CSMD1: variants seen among roughly 807,000 people sequenced by gnomAD.
The protein encoded by CSMD1 is CUB and sushi domain-containing protein 1.
A neutral mutation model predicts 417.5 loss-of-function variants in CSMD1; 213 were observed. That is an observed-to-expected ratio of 0.51 (90% CI 0.46 to 0.57). The LOEUF (loss-of-function observed/expected upper bound fraction) is 0.57, where lower values mean the gene tolerates loss of function less well. Ranked by LOEUF, CSMD1 falls within the 20% of genes least tolerant of loss-of-function variation. The pLI is 0.00. For synonymous variants in CSMD1, 2,862 were observed against 1,736.8 expected (o/e 1.65, Z -16.11); for missense variants, 6,923 against 4,529.7 (o/e 1.53, Z -15.17).
At chr8:4,831,422 A>T (rs182866525) in intron 1 of CSMD1, among the ~76,000 whole-genome samples, 1 of 152,198 alleles carries the variant, frequency 6.6e-6, no homozygotes, top group Non-Finnish European at 1.5e-5. Flanking sequence ...AATAACTACA[A>T]ATATCCATAT....
chr8:3,299,884 T>C (rs1804258098), intron 25 of CSMD1, among the ~76,000 whole-genome samples: 1 of 152,224 alleles, frequency 6.6e-6, no homozygotes, highest in African/African-American at 2.4e-5. Context: ...CCAATTTCTA[T>C]GTACTGCTGG....
intron 2 of CSMD1, among the ~76,000 whole-genome samples, chr8:4,471,744 G>GT (rs35954967): frequency 0.46 from 69,767 of 151,876 alleles, 18,035 homozygotes; most frequent in Non-Finnish European, 0.56. Context: ...GAGAAAAGAA[G>GT]TTAGACCCAT....
At chr8:3,546,221 A>AT (rs1207608431) in intron 10 of CSMD1, among the ~76,000 whole-genome samples, 1 of 152,166 alleles carries the variant, frequency 6.6e-6, no homozygotes, top group African/African-American at 2.4e-5. Flanking sequence ...GTAAGGTTCT[A>AT]TGCAGATAGT....
chr8:4,503,436 G>A (rs569064881), intron 2 of CSMD1, among the ~76,000 whole-genome samples: 11 of 152,000 alleles, frequency 7.2e-5, no homozygotes, highest in East Asian at 3.9e-4. Flanking sequence ...ATTTATATTC[G>A]CAATATGTTT....
At chr8:3,642,601 C>G (rs1456668971) in intron 7 of CSMD1, among the ~76,000 whole-genome samples, 1 of 152,060 alleles carries the variant, frequency 6.6e-6, no homozygotes, top group South Asian at 2.1e-4. Flanking sequence ...ACAAACCAAA[C>G]GAGAAAACCT....
At chr8:4,209,835 G>A (rs1242731965) in intron 3 of CSMD1, among the ~76,000 whole-genome samples, 1 of 152,174 alleles carries the variant, frequency 6.6e-6, no homozygotes, top group Non-Finnish European at 1.5e-5. Flanking sequence ...TCAATTACAT[G>A]CAAAATAAGG....
At chr8:4,445,175 C>A (rs979116146) in intron 2 of CSMD1, among the ~76,000 whole-genome samples, 2 of 152,046 alleles carry the variant, frequency 1.3e-5, no homozygotes, top group South Asian at 2.1e-4. Flanking sequence ...GAATCTGACA[C>A]CTTTTTTTTA....
chr8:4,402,570 G>C (rs149431638), intron 3 of CSMD1, among the ~76,000 whole-genome samples: 10 of 152,196 alleles, frequency 6.6e-5, no homozygotes, highest in African/African-American at 1.9e-4. Flanking sequence ...CTCTTGAAGG[G>C]AGACTTTTAT....
intron 4 of CSMD1, among the ~76,000 whole-genome samples, chr8:4,025,679 T>A (rs937300520): frequency 1.1e-4 from 16 of 152,124 alleles, no homozygotes; most frequent in Non-Finnish European, 2.4e-4. Context: ...GTTGAAAGAC[T>A]CAAGAATAAC....
intron 41 of CSMD1, among the ~76,000 whole-genome samples, chr8:3,119,410 A>C (rs1003876313): frequency 6.1e-5 from 8 of 131,950 alleles, no homozygotes; most frequent in African/African-American, 2.7e-4. Context: ...AAAAAAAAAA[A>C]AACACTGTAT....
intron 3 of CSMD1, among the ~76,000 whole-genome samples, chr8:4,307,920 AC>A: frequency 6.6e-6 from 1 of 152,150 alleles, no homozygotes; most frequent in Admixed American, 6.5e-5. Flanking sequence ...TAGCAAGAGG[AC>A]CCCCGGATGC....
chr8:4,094,875 G>A (rs1344402673), intron 3 of CSMD1, among the ~76,000 whole-genome samples: 1 of 152,186 alleles, frequency 6.6e-6, no homozygotes, highest in Admixed American at 6.5e-5. Context: ...GGCATATTGT[G>A]TATGTTAAAA....
intron 5 of CSMD1, among the ~76,000 whole-genome samples, chr8:3,835,856 T>C (rs565093377): frequency 1.3e-5 from 2 of 152,258 alleles, no homozygotes; most frequent in East Asian, 1.9e-4. Context: ...TCTGTACCTT[T>C]AGTGCCTCTG....
Position 2,953,610 on chromosome 8 carries a change from T to C in CSMD1, c.10039+614A>G, listed in dbSNP as rs543344285. On this transcript the variant is annotated intron_variant, in intron 65 of 69. Coordinates refer to ENST00000635120, the MANE Select transcript of CSMD1 (RefSeq NM_033225.6). ...GATACATTTTGTTATTTAAAAATAA[T>C]TTAAATTTAAAACACAGAACATGCC... Among the ~76,000 whole-genome samples, 3 of 152,308 alleles carry C rather than the reference T, an allele frequency of 2.0e-5. No individual in the cohort carries two copies. The South Asian group carries it at 6.2e-4, about 32-fold the overall frequency.
chr8:4,986,637 A>T (rs1369194081), intron 1 of CSMD1, among the ~76,000 whole-genome samples: 1 of 152,182 alleles, frequency 6.6e-6, no homozygotes, highest in Non-Finnish European at 1.5e-5. Context: ...TTTATATGAA[A>T]GAGCATAATT....
intron 2 of CSMD1, among the ~76,000 whole-genome samples, chr8:4,570,275 T>A (rs1171539774): frequency 6.6e-6 from 1 of 152,200 alleles, no homozygotes; most frequent in Non-Finnish European, 1.5e-5. Context: ...GGCTGTGGGT[T>A]TGTCATACAC....
chr8:4,002,978 C>T (rs899359904), intron 4 of CSMD1, among the ~76,000 whole-genome samples: 1 of 151,900 alleles, frequency 6.6e-6, no homozygotes, highest in African/African-American at 2.4e-5. Flanking sequence ...TATAAGTAAA[C>T]CAATCTACCT....
At chr8:4,839,656 A>C (rs531199718) in intron 1 of CSMD1, among the ~76,000 whole-genome samples, 102 of 152,320 alleles carry the variant, frequency 6.7e-4, no homozygotes, top group Middle Eastern at 3.4e-3. Flanking sequence ...GTTGGGCATG[A>C]AACTAAGACA....
chr8:3,779,458 T>C (rs535040753), intron 5 of CSMD1, among the ~76,000 whole-genome samples: 1 of 152,198 alleles, frequency 6.6e-6, no homozygotes, highest in Non-Finnish European at 1.5e-5. Context: ...TTTAAAATTT[T>C]AGACATCTTA....
Sources: allele counts gnomAD v4.1 joint callset (sites outside exome capture counted in the v4.1 genomes callset), GRCh38; gene constraint gnomAD v4.1.1; transcripts MANE v1.5; gene names NCBI Gene and HGNC (gene_info 2026-07-23, HGNC 2026-07-21).